The following SAE1 variants were observed in gnomAD, a reference collection of about 807,000 sequenced individuals.
The protein encoded by SAE1 is SUMO-activating enzyme subunit 1.
A neutral mutation model predicts 40.6 loss-of-function variants in SAE1; 11 were observed. The ratio of observed to expected loss-of-function variants is 0.27; its 90% confidence interval spans 0.17 to 0.45. The LOEUF (loss-of-function observed/expected upper bound fraction) is 0.45, where lower values mean the gene tolerates loss of function less well. Ranked by LOEUF, SAE1 falls within the 20% of genes least tolerant of loss-of-function variation. SAE1 has a pLI of 1.00. For synonymous variants in SAE1, 155 were observed against 154.3 expected (o/e 1.00, Z -0.03); for missense variants, 373 against 427.3 (o/e 0.87, Z 1.12).
At chr19:47,206,390 C>T (rs978648978) in intron 8 of SAE1, among the ~76,000 whole-genome samples, 2 of 152,244 alleles carry the variant, frequency 1.3e-5, no homozygotes, top group Non-Finnish European at 2.9e-5. Context: ...GCCTCAGACT[C>T]ACCTTTCTCT....
intron 6 of SAE1, among the ~76,000 whole-genome samples, chr19:47,175,787 A>G (rs1329690688): frequency 6.6e-6 from 1 of 152,202 alleles, no homozygotes; most frequent in African/African-American, 2.4e-5. Flanking sequence ...ATTAAATTTC[A>G]GATCTGGAGT....
chr19:47,193,784 C>T (rs1319018593), intron 6 of SAE1, among the ~76,000 whole-genome samples: 1 of 147,926 alleles, frequency 6.8e-6, no homozygotes. Flanking sequence ...GCCGAGATCA[C>T]GCCATTGCAC....
At chr19:47,137,507 A>AT (rs1345418955) in intron 1 of SAE1, among the ~76,000 whole-genome samples, 2 of 151,732 alleles carry the variant, frequency 1.3e-5, no homozygotes, top group South Asian at 2.1e-4. Context: ...TACAACTAAA[A>AT]TTTTTTTTTC....
chr19:47,160,776 G>A (rs566875703), intron 5 of SAE1, among the ~76,000 whole-genome samples: 75 of 150,588 alleles, frequency 5.0e-4, no homozygotes, highest in African/African-American at 1.7e-3. Flanking sequence ...TGATCCACCC[G>A]CCTCAGCCTC....
rs540949384 is a variant in SAE1, at chr19:47,194,640, T to G, written c.734-2593T>G. On this transcript the variant is annotated intron_variant, in intron 6 of 8. Transcript: ENST00000270225. ...ACAAGGCTCGAGACTGGCTGTGCCC[T>G]TTCCTTGGGCAGTATGTAGGGAACA... is the stretch of plus-strand genomic sequence containing the variant. 1.1e-4 allele frequency among the ~76,000 whole-genome samples: 16 copies of G among 152,232 alleles called. No homozygotes were observed. In the East Asian group the frequency reaches 2.1e-3, roughly 20 times the overall value.
At chr19:47,174,761 G>C (rs1247655256) in intron 6 of SAE1, among the ~76,000 whole-genome samples, 2 of 151,818 alleles carry the variant, frequency 1.3e-5, no homozygotes, top group African/African-American at 4.8e-5. Context: ...TTTTAGTAGA[G>C]ACGGGGTTTC....
chr19:47,143,347 C>T (rs185728547), intron 1 of SAE1, 147 bp from the exon 2 acceptor site: 106 of 597,056 alleles, frequency 1.8e-4, no homozygotes, highest in South Asian at 1.7e-3. Context: ...TCAAGTGATC[C>T]GCCTATCTCA....
intron 8 of SAE1, among the ~76,000 whole-genome samples, chr19:47,207,127 C>A (rs946199329): frequency 3.2e-4 from 48 of 152,094 alleles, no homozygotes; most frequent in African/African-American, 1.2e-3. Flanking sequence ...TACAAAAGTC[C>A]CAGCTACTCA....
At chr19:47,169,783 T>C in intron 5 of SAE1, 35 bp from the exon 6 acceptor site, 1 of 1,384,370 alleles carries the variant, frequency 7.2e-7, no homozygotes, top group Non-Finnish European at 1.0e-6. Context: ...AGCCAGCATA[T>C]GTTATTCCTA....
intron 2 of SAE1, among the ~76,000 whole-genome samples, chr19:47,146,196 G>C (rs545208315): frequency 2.0e-5 from 3 of 152,122 alleles, no homozygotes; most frequent in Admixed American, 6.6e-5. Context: ...GGTTGCTGGT[G>C]AAGTCCAAGT....
At chr19:47,173,081 T>A (rs775125472) in intron 6 of SAE1, among the ~76,000 whole-genome samples, 3 of 152,068 alleles carry the variant, frequency 2.0e-5, no homozygotes, top group Non-Finnish European at 4.4e-5. Context: ...CAGGTAGGAG[T>A]GCAGTGGGGC....
intron 6 of SAE1, among the ~76,000 whole-genome samples, chr19:47,180,523 A>T (rs1417118170): frequency 6.6e-6 from 1 of 152,214 alleles, no homozygotes; most frequent in Non-Finnish European, 1.5e-5. Context: ...AACAGTGTAG[A>T]TGTTTCCTTA....
chr19:47,165,526 G>A (rs1357914059), intron 5 of SAE1, among the ~76,000 whole-genome samples: 3 of 152,198 alleles, frequency 2.0e-5, no homozygotes, highest in Non-Finnish European at 2.9e-5. Flanking sequence ...GAGGAGGTAT[G>A]TAAGTTACCT....
chr19:47,160,298 T>C (rs2058351546), intron 5 of SAE1, among the ~76,000 whole-genome samples: 2 of 139,810 alleles, frequency 1.4e-5, no homozygotes, highest in Admixed American at 1.6e-4. Flanking sequence ...CTCGGCTCAC[T>C]GCAACCTCCG....
chr19:47,203,747 C>G lies in SAE1; in HGVS notation c.948+7C>G. The G allele has an allele frequency of 6.2e-7, 1 of 1,612,502 alleles. No individual in the cohort carries two copies. The highest frequency in any genetic ancestry group is 8.5e-7 in the Non-Finnish European group (1 of 1,178,520). ...GGCACAGGAAATTGTGAAGGTAAAA[C>G]ATCACTGTGGAGCAGAAAATTGTTA... On this transcript the variant is annotated splice_region_variant and intron_variant, in intron 8 of 8. Transcript: ENST00000270225.
At chr19:47,185,962 G>T (rs899344616) in intron 6 of SAE1, among the ~76,000 whole-genome samples, 1 of 151,114 alleles carries the variant, frequency 6.6e-6, no homozygotes, top group African/African-American at 2.4e-5. Context: ...TATTGGCCCC[G>T]GGCGTGGTGG....
At chr19:47,170,880 G>A (rs1387366046) in intron 6 of SAE1, among the ~76,000 whole-genome samples, 1 of 152,096 alleles carries the variant, frequency 6.6e-6, no homozygotes, top group Non-Finnish European at 1.5e-5. Flanking sequence ...TTTTCCTCTT[G>A]CTATTAATGA....
At chr19:47,205,816 T>A (rs534823318) in intron 8 of SAE1, among the ~76,000 whole-genome samples, 3 of 152,260 alleles carry the variant, frequency 2.0e-5, no homozygotes, top group African/African-American at 7.2e-5. Flanking sequence ...AAAGAGAGAC[T>A]AAGGTGCAGG....
rs572569379 is a variant in SAE1, at chr19:47,181,427, G to A, written c.733+11504G>A. 3.3e-4 allele frequency among the ~76,000 whole-genome samples: 50 copies of A among 149,462 alleles called. No homozygotes were observed. In the South Asian group the frequency reaches 8.9e-3, roughly 27 times the overall value. ...TTACAGTTATGATAATTGTCTCATGGTTATTTAAGAGAATGGTTTTTGTTT... is the reference window on the plus strand; with the variant it reads ...TTACAGTTATGATAATTGTCTCATGATTATTTAAGAGAATGGTTTTTGTTT... On this transcript the variant is annotated intron_variant, in intron 6 of 8. Transcript: ENST00000270225.
Sources: gnomAD v4.1 joint callset for allele counts (sites outside exome capture counted in the v4.1 genomes callset) on GRCh38, gnomAD v4.1.1 for gene constraint, MANE v1.5 for transcripts, NCBI Gene and HGNC (gene_info 2026-07-23, HGNC 2026-07-21) for gene names.